PDE1A: variants seen among roughly 807,000 people sequenced by gnomAD.
PDE1A encodes the protein phosphodiesterase 1A.
Under a neutral mutation model 61.7 loss-of-function variants are expected in PDE1A, and 35 were observed. The observed-to-expected ratio is 0.57, with a 90% CI of 0.43 to 0.75. The LOEUF (loss-of-function observed/expected upper bound fraction) is 0.75. Ranked by LOEUF, PDE1A falls within the 30% of genes least tolerant of loss-of-function variation. The probability of loss-of-function intolerance (pLI) is 0.00; values close to 1 mark genes in which losing one functional copy is unlikely to be tolerated. For synonymous variants in PDE1A, 232 were observed against 213.2 expected, an observed-to-expected ratio of 1.09 and a Z score of -0.77; for missense variants, 597 against 630.6, an observed-to-expected ratio of 0.95 and a Z score of 0.57.
intron 1 of PDE1A, among the ~76,000 whole-genome samples, chr2:182,355,968 T>C (rs938238628): frequency 3.3e-5 from 5 of 152,198 alleles, no homozygotes; most frequent in African/African-American, 1.2e-4. Flanking sequence ...TATTCTAGAA[T>C]AGGAAAGTCT....
chr2:182,240,894 A>G (rs560624240), intron 2 of PDE1A, among the ~76,000 whole-genome samples: 2 of 149,522 alleles, frequency 1.3e-5, no homozygotes, highest in East Asian at 3.9e-4. Flanking sequence ...TTTAAAAGTG[A>G]AAAAAAAAAT....
intron 1 of PDE1A, among the ~76,000 whole-genome samples, chr2:182,418,406 TA>T (rs1415883923): frequency 6.6e-6 from 1 of 152,196 alleles, no homozygotes; most frequent in Non-Finnish European, 1.5e-5. Context: ...TCAGGCATGC[TA>T]TAACCCTGGA....
At chr2:182,626,726 T>TATATGTATATAC in the PDE1A span, among the ~76,000 whole-genome samples, 1 of 12,746 alleles carries the variant, frequency 7.8e-5, no homozygotes, top group Non-Finnish European at 3.0e-4. Flanking sequence ...TTTATATATA[T>TATATGTATATAC]ATATATATAT....
chr2:182,150,113 G>T (rs571912595), intron 13 of PDE1A, among the ~76,000 whole-genome samples: 1 of 152,108 alleles, frequency 6.6e-6, no homozygotes, highest in South Asian at 2.1e-4. Context: ...TGTATAATAG[G>T]TATATAATAA....
In PDE1A at chr2:182,516,690, AAGGG is replaced by A. The variant is rs1224047141; in HGVS notation, c.101+5582_101+5585del. ...AAAGAAGGGAAGGAGGGAAGGAGGG[AAGGG>A]AGGAAGGGAGGAAGGAAGGAAGGAA... On this transcript the variant is annotated intron_variant, in intron 2 of 14. Transcript: ENST00000410103. Among the ~76,000 whole-genome samples, 490 of 93,426 alleles carry A rather than the reference AAGGG, an allele frequency of 5.2e-3. 3 individuals carry two copies. Among genetic ancestry groups the A allele is most frequent in the Non-Finnish European group, 8.1e-3 (385 of 47,642 alleles). The allele number at this position is 93,426 out of a possible 152,430, so 61.3% of individuals were successfully genotyped here. A position where few individuals can be genotyped will look rare whatever the true frequency, so the allele number is the denominator to read the frequency against.
intron 2 of PDE1A, among the ~76,000 whole-genome samples, chr2:182,432,769 G>A (rs1704020610): frequency 6.6e-6 from 1 of 151,996 alleles, no homozygotes; most frequent in Non-Finnish European, 1.5e-5. Flanking sequence ...ACCTTGAGGT[G>A]GCAGGAAAGA....
chr2:182,211,376 TTGTC>T (rs1250201626), intron 7 of PDE1A, among the ~76,000 whole-genome samples: 6 of 152,214 alleles, frequency 3.9e-5, no homozygotes, highest in Non-Finnish European at 8.8e-5. Context: ...ATTGATCTAT[TTGTC>T]TGTCCTTTTA....
chr2:182,447,397 G>A (rs1440047523), intron 2 of PDE1A, among the ~76,000 whole-genome samples: 1 of 152,000 alleles, frequency 6.6e-6, no homozygotes, highest in African/African-American at 2.4e-5. Context: ...GCCAAATTCT[G>A]ACACTTTCCA....
chr2:182,191,886 G>A (rs566955084), intron 10 of PDE1A, among the ~76,000 whole-genome samples: 86 of 148,572 alleles, frequency 5.8e-4, no homozygotes, highest in African/African-American at 1.8e-3. Context: ...AGACAGTTTC[G>A]CTCTTGTTGC....
chr2:182,352,485 G>A (rs1030779153), intron 1 of PDE1A, among the ~76,000 whole-genome samples: 6 of 151,946 alleles, frequency 3.9e-5, no homozygotes, highest in African/African-American at 1.5e-4. Context: ...TACAAAAATG[G>A]GGCTCAAATA....
upstream of PDE1A, among the ~76,000 whole-genome samples, chr2:182,524,691 C>G (rs1001663218): frequency 6.6e-5 from 10 of 152,018 alleles, no homozygotes; most frequent in African/African-American, 2.4e-4. Flanking sequence ...CAAAAAGTTA[C>G]TTCTGTTAAC....
intron 2 of PDE1A, among the ~76,000 whole-genome samples, chr2:182,455,198 C>A (rs1467123699): frequency 1.3e-5 from 2 of 152,094 alleles, no homozygotes; most frequent in African/African-American, 4.8e-5. Context: ...AAATCAAAAC[C>A]ACAATGAGAT....
chr2:182,588,969 G>C, the PDE1A span, among the ~76,000 whole-genome samples: 153 of 151,130 alleles, frequency 1.0e-3, no homozygotes, highest in South Asian at 0.016. Context: ...CATGAACCTG[G>C]GAGGCAGAGG....
chr2:182,596,785 T>A, the PDE1A span, among the ~76,000 whole-genome samples: 1 of 152,222 alleles, frequency 6.6e-6, no homozygotes, highest in Non-Finnish European at 1.5e-5. Context: ...CAATGAAAGC[T>A]GTAGAGTAAC....
chr2:182,387,455 GAAGA>G (rs1157123551), intron 1 of PDE1A, among the ~76,000 whole-genome samples: 2 of 151,402 alleles, frequency 1.3e-5, no homozygotes, highest in African/African-American at 2.4e-5. Flanking sequence ...AAGAAAGAAA[GAAGA>G]AAGAAAGAGA....
chr2:182,280,599 T>G (rs1693736901), intron 1 of PDE1A, among the ~76,000 whole-genome samples: 1 of 151,988 alleles, frequency 6.6e-6, no homozygotes, highest in African/African-American at 2.4e-5. Context: ...ATTTCTTCTG[T>G]TAGGGGGAGT....
At chr2:182,624,231 CT>C in the PDE1A span, among the ~76,000 whole-genome samples, 1 of 151,710 alleles carries the variant, frequency 6.6e-6, no homozygotes, top group Non-Finnish European at 1.5e-5. Context: ...AAAAATTTAA[CT>C]TTGTGTCTCC....
At chr2:182,636,498 T>C in the PDE1A span, among the ~76,000 whole-genome samples, 1,474 of 152,292 alleles carry the variant, frequency 9.7e-3, 26 homozygotes, top group African/African-American at 0.034. Flanking sequence ...CAAAAGGTGA[T>C]TAAGTCACCC....
intron 1 of PDE1A, among the ~76,000 whole-genome samples, chr2:182,282,890 T>C (rs73036244): frequency 0.015 from 2,282 of 152,088 alleles, 50 homozygotes; most frequent in African/African-American, 0.051. Context: ...TTGGAAAATG[T>C]GGACACTGCG....
Sources: allele counts gnomAD v4.1 joint callset (sites outside exome capture counted in the v4.1 genomes callset), GRCh38; gene constraint gnomAD v4.1.1; transcripts MANE v1.5; gene names NCBI Gene and HGNC (gene_info 2026-07-23, HGNC 2026-07-21).